The following ATRNL1 variants were observed in gnomAD, a reference collection of about 807,000 sequenced individuals.
The protein encoded by ATRNL1 is attractin like 1.
In ATRNL1, 95 loss-of-function variants were observed where a neutral mutation model predicts 182.7. The ratio of observed to expected loss-of-function variants is 0.52; its 90% confidence interval spans 0.44 to 0.62. The LOEUF (loss-of-function observed/expected upper bound fraction) is 0.62, where lower values mean the gene tolerates loss of function less well. Among genes scored for constraint, ATRNL1 ranks in the 20% least tolerant of loss-of-function variants. The pLI is 0.00. For missense variants in ATRNL1, 1,471 were observed against 1,679.5 expected, an observed-to-expected ratio of 0.88 and a Z score of 2.17; for synonymous variants, 576 against 568.3, an observed-to-expected ratio of 1.01 and a Z score of -0.19.
intron 9 of ATRNL1, among the ~76,000 whole-genome samples, chr10:115,228,526 T>C (rs1554899183): frequency 1.3e-5 from 2 of 152,176 alleles, no homozygotes; most frequent in African/African-American, 4.8e-5. Context: ...CTTCATTATT[T>C]TTCTATGTGA....
Position 115,903,311 on chromosome 10 carries a change from C to T in ATRNL1, c.4019-41347C>T, listed in dbSNP as rs572271320. Among the ~76,000 whole-genome samples the T allele has an allele frequency of 2.5e-4, 38 of 152,232 alleles. No individual in the cohort carries two copies. In the East Asian group the frequency reaches 4.8e-3, roughly 19 times the overall value. On this transcript the variant is annotated intron_variant, in intron 28 of 28. Transcript: ENST00000355044. ...CAGTCTTCTGAGTAACAAACCTCTC[C>T]GTGGTATCTTGCCACTGCCCTCCAT...
In ATRNL1 at chr10:115,632,915, C is replaced by T. The variant is rs1011405060; in HGVS notation, c.3795+83379C>T. The stretch of plus-strand genomic sequence containing the variant: ...TTTTATTTTATTTTATTTTTTGAGA[C>T]AGAGTCTCACTCTGTCGCCCAGGCT... On this transcript the variant is annotated intron_variant, in intron 26 of 28. Coordinates refer to ENST00000355044, the MANE Select transcript of ATRNL1 (RefSeq NM_207303.4). Among the ~76,000 whole-genome samples, 14 of 64,084 alleles carry T rather than the reference C, an allele frequency of 2.2e-4. No homozygotes were observed. In the South Asian group the frequency reaches 6.7e-3, roughly 31 times the overall value. The allele number at this position is 64,084 out of a possible 152,430, so 42.0% of individuals were successfully genotyped here.
At chr10:115,264,276 T>A in intron 10 of ATRNL1, among the ~76,000 whole-genome samples, 1 of 151,776 alleles carries the variant, frequency 6.6e-6, no homozygotes. Context: ...TTGTTATAGA[T>A]GTAATTACTT....
chr10:115,334,591 A>G (rs1855393773), intron 19 of ATRNL1, among the ~76,000 whole-genome samples, 172 bp downstream of exon 19: 1 of 152,242 alleles, frequency 6.6e-6, no homozygotes, highest in South Asian at 2.1e-4. Context: ...ATTCTGTAAT[A>G]TGCTTGATTC....
chr10:115,246,541 A>G (rs1850651246), intron 10 of ATRNL1, among the ~76,000 whole-genome samples: 4 of 137,304 alleles, frequency 2.9e-5, no homozygotes, highest in Admixed American at 2.8e-4. Context: ...TGGATAATGA[A>G]TCTCTCTCAT....
chr10:115,567,351 T>G (rs1854128355), intron 26 of ATRNL1, among the ~76,000 whole-genome samples: 1 of 152,180 alleles, frequency 6.6e-6, no homozygotes. Context: ...TTTTAATTAC[T>G]CTTTGATGTG....
At chr10:115,879,912 C>A (rs142163236) in intron 28 of ATRNL1, among the ~76,000 whole-genome samples, 1 of 152,142 alleles carries the variant, frequency 6.6e-6, no homozygotes, top group Non-Finnish European at 1.5e-5. Flanking sequence ...AGCCTGGGGT[C>A]AGGGTGGGGC....
At chr10:115,704,721 A>C (rs1473341297) in intron 26 of ATRNL1, among the ~76,000 whole-genome samples, 2 of 151,844 alleles carry the variant, frequency 1.3e-5, no homozygotes, top group African/African-American at 4.8e-5. Flanking sequence ...GGTCTTGCCT[A>C]CCTGTCTAGC....
chr10:115,934,872 A>G (rs1373199486), intron 28 of ATRNL1, among the ~76,000 whole-genome samples: 1 of 152,000 alleles, frequency 6.6e-6, no homozygotes, highest in Admixed American at 6.6e-5. Context: ...CTCTCTTACC[A>G]TTCTCCCATT....
chr10:115,276,656 T>C (rs1554914917), intron 13 of ATRNL1, among the ~76,000 whole-genome samples: 2 of 152,226 alleles, frequency 1.3e-5, no homozygotes, highest in Non-Finnish European at 2.9e-5. Context: ...CTATTTCATA[T>C]AGGTCAAACA....
chr10:115,453,830 G>T (rs1847393496), intron 21 of ATRNL1, among the ~76,000 whole-genome samples: 2 of 151,278 alleles, frequency 1.3e-5, no homozygotes, highest in African/African-American at 4.9e-5. Context: ...ATAGCATTAG[G>T]AGATATACCT....
At chr10:115,207,348 CTGT>C (rs1217032868) in intron 8 of ATRNL1, among the ~76,000 whole-genome samples, 2 of 152,104 alleles carry the variant, frequency 1.3e-5, no homozygotes, top group Non-Finnish European at 2.9e-5. Flanking sequence ...TCTCCAGCAT[CTGT>C]TGTTTCCTGA....
intron 27 of ATRNL1, among the ~76,000 whole-genome samples, chr10:115,760,970 A>G (rs1948719938): frequency 6.6e-6 from 1 of 152,162 alleles, no homozygotes; most frequent in Admixed American, 6.5e-5. Context: ...TTACTAAGAG[A>G]AATGATCCAT....
intron 28 of ATRNL1, among the ~76,000 whole-genome samples, chr10:115,867,797 G>A (rs1414094373): frequency 6.6e-6 from 1 of 151,032 alleles, no homozygotes; most frequent in Non-Finnish European, 1.5e-5. Context: ...GAGTGCAGTG[G>A]CACGATCTTG....
chr10:115,297,590 A>G (rs1554923070), intron 15 of ATRNL1, among the ~76,000 whole-genome samples: 1 of 149,612 alleles, frequency 6.7e-6, no homozygotes, highest in Non-Finnish European at 1.5e-5. Context: ...ACTTGCAGTG[A>G]GCCAAGATCG....
chr10:115,165,685 T>A, intron 7 of ATRNL1, 40 bp downstream of exon 7: 2 of 1,239,394 alleles, frequency 1.6e-6, no homozygotes, highest in African/African-American at 3.0e-5. Flanking sequence ...AGATTTTGTT[T>A]TTGATAGTTT....
At chr10:115,525,524 T>TAAC (rs1383818116) in intron 25 of ATRNL1, among the ~76,000 whole-genome samples, 3 of 152,204 alleles carry the variant, frequency 2.0e-5, no homozygotes, top group Non-Finnish European at 4.4e-5. Context: ...AGCATATTCA[T>TAAC]AACAGCCTTA....
At chr10:115,832,459 T>A (rs576561886) in intron 27 of ATRNL1, among the ~76,000 whole-genome samples, 1 of 152,360 alleles carries the variant, frequency 6.6e-6, no homozygotes, top group East Asian at 1.9e-4. Context: ...TCATTTGACA[T>A]TGTTTTTGCA....
At chr10:115,719,909 T>C (rs1412192865) in intron 26 of ATRNL1, among the ~76,000 whole-genome samples, 1 of 149,020 alleles carries the variant, frequency 6.7e-6, no homozygotes, top group African/African-American at 2.5e-5. Flanking sequence ...TGCCCCAGGC[T>C]GGAGTGCAGT....
Sources: allele counts gnomAD v4.1 joint callset (sites outside exome capture counted in the v4.1 genomes callset), GRCh38; gene constraint gnomAD v4.1.1; transcripts MANE v1.5; gene names NCBI Gene and HGNC (gene_info 2026-07-23, HGNC 2026-07-21).